The following GAS7 variants were observed in gnomAD, a reference collection of about 807,000 sequenced individuals.
GAS7 encodes growth arrest specific 7, also known as growth arrest-specific protein 7.
Under a neutral mutation model 71.1 loss-of-function variants are expected in GAS7, and 28 were observed. The observed-to-expected ratio is 0.39, with a 90% CI of 0.29 to 0.54. The LOEUF is 0.54. Ranked by LOEUF, GAS7 falls within the 20% of genes least tolerant of loss-of-function variation. The pLI is 0.62. For synonymous variants in GAS7, 258 were observed against 245.8 expected (o/e 1.05, Z -0.46); for missense variants, 436 against 627.8 (o/e 0.69, Z 3.27).
intron 5 of GAS7, among the ~76,000 whole-genome samples, chr17:9,952,309 T>C (rs1456831613): frequency 6.6e-6 from 1 of 151,980 alleles, no homozygotes; most frequent in Non-Finnish European, 1.5e-5. Flanking sequence ...CCCACCACAA[T>C]GGAAGACACA....
intron 7 of GAS7, among the ~76,000 whole-genome samples, chr17:9,940,506 A>G (rs1432670767): frequency 6.6e-6 from 1 of 152,222 alleles, no homozygotes; most frequent in African/African-American, 2.4e-5. Flanking sequence ...AACGGGAAAC[A>G]TAAGACCCCT....
chr17:9,995,743 C>T (rs570128640), intron 2 of GAS7, among the ~76,000 whole-genome samples: 18 of 152,238 alleles, frequency 1.2e-4, no homozygotes, highest in African/African-American at 4.1e-4. Context: ...CCCAAATGCA[C>T]GTGTCTTTTG....
At chr17:9,989,588 G>A (rs151140492) in intron 2 of GAS7, among the ~76,000 whole-genome samples, 2 of 152,220 alleles carry the variant, frequency 1.3e-5, no homozygotes, top group African/African-American at 4.8e-5. Context: ...AGGGAGTTGT[G>A]CCAGGAGACA....
At chr17:9,996,457 A>G (rs1005699769) in intron 2 of GAS7, among the ~76,000 whole-genome samples, 1 of 151,186 alleles carries the variant, frequency 6.6e-6, no homozygotes, top group Non-Finnish European at 1.5e-5. Context: ...CCATTAGGAG[A>G]TATGCCTAAT....
intron 1 of GAS7, among the ~76,000 whole-genome samples, chr17:10,114,028 C>T (rs1247229751): frequency 6.6e-6 from 1 of 152,146 alleles, no homozygotes; most frequent in Middle Eastern, 3.2e-3. Flanking sequence ...GATCTTCCTG[C>T]CTCAGCCTCC....
chr17:9,965,856 G>C (rs1372377154), intron 4 of GAS7, among the ~76,000 whole-genome samples: 2 of 152,112 alleles, frequency 1.3e-5, no homozygotes, highest in Non-Finnish European at 2.9e-5. Flanking sequence ...CAAGGGCTGA[G>C]TGAAGGAGCG....
At chr17:9,951,388 C>T (rs938856669) in intron 5 of GAS7, among the ~76,000 whole-genome samples, 1 of 152,226 alleles carries the variant, frequency 6.6e-6, no homozygotes, top group African/African-American at 2.4e-5. Flanking sequence ...GCATCTCTCC[C>T]CTTTCCATCG....
At chr17:10,137,300 A>G (rs1597813084) in intron 1 of GAS7, among the ~76,000 whole-genome samples, 1 of 151,886 alleles carries the variant, frequency 6.6e-6, no homozygotes, top group South Asian at 2.1e-4. Flanking sequence ...CTCTGCTCCA[A>G]TGTCACCTCA....
intron 1 of GAS7, among the ~76,000 whole-genome samples, chr17:10,158,531 A>C (rs1347030001): frequency 2.6e-5 from 4 of 151,938 alleles, no homozygotes; most frequent in Non-Finnish European, 5.9e-5. Flanking sequence ...TATGTAAGTT[A>C]ATGCTCTGTA....
At chr17:9,944,522 G>A (rs2068720183) in intron 6 of GAS7, among the ~76,000 whole-genome samples, 1 of 152,206 alleles carries the variant, frequency 6.6e-6, no homozygotes, top group Non-Finnish European at 1.5e-5. Context: ...CATTTTAGGA[G>A]AGGGGAAAGA....
Position 10,198,361 on chromosome 17 carries a change from G to A in GAS7, c.30C>T (p.Tyr10=), listed in dbSNP as rs370392546. ...GGCCGTGCCGCTCCCCGGAGAAGGG[G>A]TACAGGGTCCGGCAGCGAGCGCCGG... MSGARCRTL[Y]PFSGERHGQG... is the part of the protein sequence containing the mutation. The change falls in exon 1 of 14, where the codon TAC becomes TAT. Residue 10 remains tyrosine (Y), a synonymous_variant. Coordinates refer to ENST00000432992, the MANE Select transcript of GAS7 (RefSeq NM_201433.2). The A allele has an allele frequency of 5.0e-6, 8 of 1,595,882 alleles. No homozygotes were observed. The highest frequency in any genetic ancestry group is 6.8e-6 in the Non-Finnish European group (8 of 1,177,856).
At chr17:9,949,720 C>T (rs1276942620) in intron 5 of GAS7, among the ~76,000 whole-genome samples, 1 of 152,176 alleles carries the variant, frequency 6.6e-6, no homozygotes, top group Non-Finnish European at 1.5e-5. Flanking sequence ...GACAGGGCTG[C>T]ACCAAATTCT....
At chr17:10,039,739 C>T in intron 1 of GAS7, 1 of 456,386 alleles carries the variant, frequency 2.2e-6, no homozygotes, top group Non-Finnish European at 4.4e-6. Context: ...AGGACTCACT[C>T]ACCATGGCTC....
chr17:10,156,769 GTCGGCCCCC>G (rs1000188335), intron 1 of GAS7, among the ~76,000 whole-genome samples: 1 of 152,072 alleles, frequency 6.6e-6, no homozygotes, highest in African/African-American at 2.4e-5. Flanking sequence ...CTTTAGAGCA[GTCGGCCCCC>G]TCCTGCTGCA....
intron 1 of GAS7, among the ~76,000 whole-genome samples, chr17:10,192,255 G>A (rs1567627465): frequency 6.6e-6 from 1 of 152,288 alleles, no homozygotes; most frequent in East Asian, 1.9e-4. Flanking sequence ...GGGAGACAGA[G>A]AAATATACTA....
intron 1 of GAS7, among the ~76,000 whole-genome samples, chr17:10,078,825 G>T (rs1362517438): frequency 6.6e-6 from 1 of 152,150 alleles, no homozygotes; most frequent in Admixed American, 6.5e-5. Flanking sequence ...AAGGCGGGAG[G>T]ACTGCTTGAG....
chr17:10,180,608 A>G (rs749754467), intron 1 of GAS7, among the ~76,000 whole-genome samples: 1 of 152,098 alleles, frequency 6.6e-6, no homozygotes, highest in Non-Finnish European at 1.5e-5. Context: ...TGCCCTATAT[A>G]TACAATGACT....
At position 10,049,567 on chromosome 17, in the gene GAS7, A is replaced by T. The variant is rs117719861; in HGVS notation, c.184-29670T>A. Among the ~76,000 whole-genome samples the T allele has an allele frequency of 5.7e-3, 855 of 150,778 alleles. 24 individuals are homozygous for T. In the East Asian group the frequency reaches 0.097, roughly 17 times the overall value. On this transcript the variant is annotated intron_variant, in intron 1 of 13. Transcript: ENST00000432992. ...ATTTTACTTTATTTAAAAATATTTT[A>T]AAATAATTTTTTGATTTTTAAAACG...
intron 4 of GAS7, among the ~76,000 whole-genome samples, chr17:9,964,168 G>A (rs1439510869): frequency 6.6e-6 from 1 of 152,054 alleles, no homozygotes; most frequent in Non-Finnish European, 1.5e-5. Flanking sequence ...CAGGGGTCAG[G>A]ACACCCCACC....
Sources: allele counts gnomAD v4.1 joint callset (sites outside exome capture counted in the v4.1 genomes callset), GRCh38; gene constraint gnomAD v4.1.1; transcripts MANE v1.5; gene names NCBI Gene and HGNC (gene_info 2026-07-23, HGNC 2026-07-21).